The following PPM1L variants were observed in gnomAD, a reference collection of about 807,000 sequenced individuals.
PPM1L encodes the protein protein phosphatase, Mg2+/Mn2+ dependent 1L, also known as protein phosphatase 1L.
In PPM1L, 13 loss-of-function variants were observed where a neutral mutation model predicts 31.4. That is an observed-to-expected ratio of 0.41 (90% CI 0.27 to 0.66). The LOEUF (loss-of-function observed/expected upper bound fraction) is 0.66. Among genes scored for constraint, PPM1L ranks in the 30% least tolerant of loss-of-function variants. PPM1L has a pLI of 0.29. For missense variants in PPM1L, 326 were observed against 453.7 expected, an observed-to-expected ratio of 0.72 and a Z score of 2.56; for synonymous variants, 184 against 175.4, an observed-to-expected ratio of 1.05 and a Z score of -0.39.
rs1259643895 is a variant in PPM1L, at chr3:161,077,300, G to A, written c.*8143G>A. The A allele has an allele frequency of 1.3e-5, 2 of 152,086 alleles. No individual in the cohort carries two copies. The highest frequency in any genetic ancestry group is 2.1e-4 in the South Asian group (1 of 4,830). The allele number at this position is 152,086 out of a possible 1,614,324, so 9.4% of individuals were successfully genotyped here. On this transcript the variant is annotated 3_prime_UTR_variant, in exon 4 of 4. Transcript: ENST00000498165. ...TTACTCCATTTTACTAGCTCACCTAGTTTCTGAAGGATGGGGTGGGGAGTG... is the reference window on the plus strand; with the variant it reads ...TTACTCCATTTTACTAGCTCACCTAATTTCTGAAGGATGGGGTGGGGAGTG...
At chr3:160,870,569 C>T (rs1417508327) in intron 1 of PPM1L, 1 of 152,086 alleles carries the variant, frequency 6.6e-6, no homozygotes, top group East Asian at 1.9e-4. Flanking sequence ...ATTGCTGTGT[C>T]TCCTTGGTAA....
chr3:160,922,615 C>G (rs567018554), intron 1 of PPM1L, among the ~76,000 whole-genome samples: 1 of 152,118 alleles, frequency 6.6e-6, no homozygotes, highest in Admixed American at 6.6e-5. Flanking sequence ...ATTCTCAGGA[C>G]CATACAACTC....
Position 161,076,859 on chromosome 3 carries a change from T to C in PPM1L, c.*7702T>C, listed in dbSNP as rs1720117644. On this transcript the variant is annotated 3_prime_UTR_variant, in exon 4 of 4. Transcript: ENST00000498165. Reference sequence around the variant, plus strand: ...TATAAGGAAAATGTATGAGTTTTTTTCTTAAAAATAAATAGAAGCATCATT... The same window carrying C: ...TATAAGGAAAATGTATGAGTTTTTTCCTTAAAAATAAATAGAAGCATCATT... The C allele has an allele frequency of 6.6e-6, 1 of 152,234 alleles. No individual in the cohort carries two copies. The highest frequency in any genetic ancestry group is 1.5e-5 in the Non-Finnish European group (1 of 68,048). 9.4% of individuals were successfully genotyped at this position (152,234 alleles called of 1,614,324 possible).
intron 1 of PPM1L, among the ~76,000 whole-genome samples, chr3:160,862,970 T>C (rs1036728085): frequency 1.3e-5 from 2 of 152,088 alleles, no homozygotes; most frequent in Non-Finnish European, 2.9e-5. Flanking sequence ...AAAACACAAA[T>C]CAGACAAATT....
chr3:160,965,780 A>G (rs756279721), intron 2 of PPM1L, among the ~76,000 whole-genome samples: 33 of 152,100 alleles, frequency 2.2e-4, no homozygotes, highest in Admixed American at 5.9e-4. Flanking sequence ...TTTAGGAGGT[A>G]GTTAATTATT....
At chr3:160,970,444 A>ATT (rs1559908005) in intron 2 of PPM1L, among the ~76,000 whole-genome samples, 15 of 118,704 alleles carry the variant, frequency 1.3e-4, no homozygotes, top group African/African-American at 4.7e-4. Flanking sequence ...AACCAAGCTG[A>ATT]ATATTTTTTT....
chr3:160,910,647 T>A (rs1455374906), intron 1 of PPM1L, among the ~76,000 whole-genome samples: 2 of 152,164 alleles, frequency 1.3e-5, no homozygotes, highest in African/African-American at 2.4e-5. Context: ...TTTAATTCCA[T>A]GGCTTTTATT....
At chr3:160,912,892 A>C (rs939857069) in intron 1 of PPM1L, among the ~76,000 whole-genome samples, 6 of 152,184 alleles carry the variant, frequency 3.9e-5, no homozygotes, top group African/African-American at 1.4e-4. Flanking sequence ...CTTTGGAAAC[A>C]GAATGGCTGT....
intron 1 of PPM1L, among the ~76,000 whole-genome samples, chr3:160,823,428 G>A (rs1713266554): frequency 6.6e-6 from 1 of 150,764 alleles, no homozygotes; most frequent in East Asian, 2.0e-4. Flanking sequence ...GGCCAGGCTG[G>A]TCTCAAATTC....
chr3:160,854,123 A>T (rs896143497), intron 1 of PPM1L, among the ~76,000 whole-genome samples: 12 of 152,196 alleles, frequency 7.9e-5, no homozygotes, highest in African/African-American at 2.9e-4. Context: ...TTCAGACCTT[A>T]GACATGTCTT....
At chr3:161,014,168 TC>T (rs762251360) in intron 2 of PPM1L, among the ~76,000 whole-genome samples, 1 of 152,192 alleles carries the variant, frequency 6.6e-6, no homozygotes, top group Non-Finnish European at 1.5e-5. Context: ...TACTGGTTGT[TC>T]CTTTCCATGT....
At chr3:160,986,575 T>C (rs973108421) in intron 2 of PPM1L, among the ~76,000 whole-genome samples, 3 of 152,232 alleles carry the variant, frequency 2.0e-5, no homozygotes, top group South Asian at 4.1e-4. Flanking sequence ...GCCTGATATA[T>C]GCTATAGTCT....
At chr3:161,019,269 T>C (rs1718172423) in intron 2 of PPM1L, among the ~76,000 whole-genome samples, 3 of 143,022 alleles carry the variant, frequency 2.1e-5, no homozygotes, top group Non-Finnish European at 4.7e-5. Context: ...TCATAGCTCA[T>C]TGCAGTCTCA....
chr3:160,798,042 G>T (rs1268758084), intron 1 of PPM1L, among the ~76,000 whole-genome samples: 1 of 152,150 alleles, frequency 6.6e-6, no homozygotes, highest in Admixed American at 6.5e-5. Context: ...GCTGGGCGTG[G>T]TAGTGCGTGC....
chr3:160,835,036 A>T lies in PPM1L; in HGVS notation c.399+78329A>T, dbSNP rs575021860. Reference sequence around the variant, plus strand: ...TACTACTACTACTACTATTACTACTACTACTTCTTCTTCTTCTTCTTCTTC... The same window carrying T: ...TACTACTACTACTACTATTACTACTTCTACTTCTTCTTCTTCTTCTTCTTC... On this transcript the variant is annotated intron_variant, in intron 1 of 3. Transcript: ENST00000498165. Among the ~76,000 whole-genome samples, 684 of 72,012 alleles carry T rather than the reference A, an allele frequency of 9.5e-3. 11 individuals carry two copies. The highest frequency in any genetic ancestry group is 0.058 in the African/African-American group (636 of 10,936). 47.2% of individuals were successfully genotyped at this position (72,012 alleles called of 152,430 possible). A position where few individuals can be genotyped will look rare whatever the true frequency, so the allele number is the denominator to read the frequency against.
intron 1 of PPM1L, among the ~76,000 whole-genome samples, chr3:160,833,292 G>A (rs532101937): frequency 3.3e-5 from 5 of 152,210 alleles, no homozygotes; most frequent in Non-Finnish European, 4.4e-5. Context: ...CCCAGTAATG[G>A]GATTGCTGGG....
At chr3:160,764,800 T>C (rs1000345832) in intron 1 of PPM1L, among the ~76,000 whole-genome samples, 1 of 152,196 alleles carries the variant, frequency 6.6e-6, no homozygotes, top group Non-Finnish European at 1.5e-5. Flanking sequence ...ATTTTGAGTG[T>C]ATTTTTTAGT....
intron 1 of PPM1L, among the ~76,000 whole-genome samples, chr3:160,878,826 CTT>C (rs1350996425): frequency 6.6e-6 from 1 of 152,172 alleles, no homozygotes; most frequent in African/African-American, 2.4e-5. Flanking sequence ...TGTAGAATAT[CTT>C]TGCACATTCA....
chr3:160,882,209 A>T (rs1712746419), intron 1 of PPM1L: 1 of 152,170 alleles, frequency 6.6e-6, no homozygotes, highest in Admixed American at 6.5e-5. Flanking sequence ...GGTTGATGTA[A>T]TCTATTTCTT....
Sources: gnomAD v4.1 joint callset for allele counts (sites outside exome capture counted in the v4.1 genomes callset) on GRCh38, gnomAD v4.1.1 for gene constraint, MANE v1.5 for transcripts, NCBI Gene and HGNC (gene_info 2026-07-23, HGNC 2026-07-21) for gene names.